PDE10A: variants seen among roughly 807,000 people sequenced by gnomAD.
PDE10A encodes phosphodiesterase 10A.
In PDE10A, 39 loss-of-function variants were observed where a neutral mutation model predicts 97.7. That is an observed-to-expected ratio of 0.40 (90% CI 0.31 to 0.52). PDE10A has a LOEUF of 0.52. PDE10A is among the 20% of genes least tolerant of loss of function. The pLI is 0.56. For missense variants in PDE10A, 731 were observed against 1,047.8 expected, an observed-to-expected ratio of 0.70 and a Z score of 4.17; for synonymous variants, 371 against 376.8, an observed-to-expected ratio of 0.98 and a Z score of 0.18.
At chr6:165,537,671 A>T (rs932266368) in intron 2 of PDE10A, among the ~76,000 whole-genome samples, 17 of 152,010 alleles carry the variant, frequency 1.1e-4, no homozygotes, top group African/African-American at 4.1e-4. Flanking sequence ...TTATAGATGA[A>T]TTCGTATCAA....
At chr6:165,600,364 A>T (rs1001512821) in intron 1 of PDE10A, among the ~76,000 whole-genome samples, 1 of 152,200 alleles carries the variant, frequency 6.6e-6, no homozygotes, top group African/African-American at 2.4e-5. Context: ...TTCTCTGTAA[A>T]GTCAGGTTTG....
intron 2 of PDE10A, among the ~76,000 whole-genome samples, chr6:165,524,822 C>T (rs1319459018): frequency 1.3e-5 from 2 of 152,128 alleles, no homozygotes; most frequent in East Asian, 3.9e-4. Context: ...AAGAATGGGA[C>T]CCTGATACTT....
chr6:165,480,471 A>C (rs1779540323), intron 3 of PDE10A, among the ~76,000 whole-genome samples: 1 of 152,286 alleles, frequency 6.6e-6, no homozygotes, highest in East Asian at 1.9e-4. Context: ...CTGTAGTCCC[A>C]GCTATTTAGG....
At chr6:165,449,040 C>T (rs1022355121) in intron 4 of PDE10A, 63 bp from the exon 5 acceptor site, 18 of 1,150,876 alleles carry the variant, frequency 1.6e-5, no homozygotes, top group Non-Finnish European at 2.4e-5. Context: ...ATGTATGCAT[C>T]CTCCAGGGTG....
intron 1 of PDE10A, among the ~76,000 whole-genome samples, chr6:165,835,261 T>C (rs1780035471): frequency 6.6e-6 from 1 of 152,242 alleles, no homozygotes; most frequent in Non-Finnish European, 1.5e-5. Flanking sequence ...AACAAATTTA[T>C]TTTTCTTTGC....
At chr6:165,880,143 G>A (rs1261771400) in intron 1 of PDE10A, among the ~76,000 whole-genome samples, 2 of 152,210 alleles carry the variant, frequency 1.3e-5, no homozygotes, top group Non-Finnish European at 2.9e-5. Flanking sequence ...TGAGGGCTGT[G>A]AGCCCAGGTG....
At chr6:165,855,301 G>T (rs1780697471) in intron 1 of PDE10A, among the ~76,000 whole-genome samples, 1 of 45,686 alleles carries the variant, frequency 2.2e-5, no homozygotes, top group Non-Finnish European at 5.4e-5. Context: ...GGCGCGGGAA[G>T]TGGCGGGGGG....
chr6:165,942,586 C>T (rs529535032), intron 1 of PDE10A, among the ~76,000 whole-genome samples: 101 of 152,260 alleles, frequency 6.6e-4, no homozygotes, highest in African/African-American at 2.1e-3. Context: ...CGCTCTGCCC[C>T]GCTCTCGGGC....
intron 1 of PDE10A, among the ~76,000 whole-genome samples, chr6:165,659,624 G>C (rs1386925955): frequency 1.3e-5 from 2 of 152,222 alleles, no homozygotes; most frequent in African/African-American, 4.8e-5. Flanking sequence ...AAATAAGACT[G>C]TTCTAACCTT....
intron 1 of PDE10A, among the ~76,000 whole-genome samples, chr6:165,629,952 G>A (rs1354205704): frequency 1.3e-5 from 2 of 152,076 alleles, no homozygotes; most frequent in East Asian, 1.9e-4. Flanking sequence ...TTAAAAACAA[G>A]AATAAATTGA....
At chr6:165,783,899 G>A (rs973601032) in intron 1 of PDE10A, among the ~76,000 whole-genome samples, 11 of 152,170 alleles carry the variant, frequency 7.2e-5, no homozygotes, top group Middle Eastern at 3.2e-3. Context: ...TGGTGTTCAA[G>A]AAGAAAGTGA....
At chr6:165,911,398 A>C (rs776406664) in intron 1 of PDE10A, among the ~76,000 whole-genome samples, 2 of 152,238 alleles carry the variant, frequency 1.3e-5, no homozygotes, top group Non-Finnish European at 2.9e-5. Flanking sequence ...AAACAAATTT[A>C]AATAAAGAAC....
chr6:165,360,039 C>T (rs1379866177), intron 18 of PDE10A, among the ~76,000 whole-genome samples: 8 of 152,174 alleles, frequency 5.3e-5, no homozygotes, highest in South Asian at 2.1e-4. Flanking sequence ...TTTGAGTTTA[C>T]GCTTTGGTTA....
intron 16 of PDE10A, 54 bp downstream of exon 16, chr6:165,392,592 C>G: frequency 6.6e-7 from 1 of 1,514,084 alleles, no homozygotes; most frequent in Non-Finnish European, 9.1e-7. Context: ...TCCTGACACA[C>G]AGTATTAAAT....
intron 1 of PDE10A, among the ~76,000 whole-genome samples, chr6:165,964,286 C>T (rs1264017014): frequency 6.6e-6 from 1 of 152,212 alleles, no homozygotes; most frequent in Admixed American, 6.5e-5. Context: ...AGGACTTAGA[C>T]TCGGTCAGCC....
chr6:165,330,496 C>T lies in PDE10A; in HGVS notation c.*2529G>A, dbSNP rs1781282137. ...GTAAATCTGTGATTACTAAGTAAAT[C>T]TTACACATGGTAAAAGCAATATTGA... is the stretch of plus-strand genomic sequence containing the variant. On this transcript the variant is annotated 3_prime_UTR_variant, in exon 22 of 22. Coordinates refer to ENST00000539869, the MANE Select transcript of PDE10A (RefSeq NM_001385079.1). 1 of 152,152 alleles carries T rather than the reference C, an allele frequency of 6.6e-6. No individual in the cohort carries two copies. The highest frequency in any genetic ancestry group is 1.5e-5 in the Non-Finnish European group (1 of 68,006). 9.4% of individuals were successfully genotyped at this position (152,152 alleles called of 1,614,324 possible).
At chr6:165,796,112 T>TTTTTTTTTTC (rs1562741090) in intron 1 of PDE10A, among the ~76,000 whole-genome samples, 1 of 147,346 alleles carries the variant, frequency 6.8e-6, no homozygotes, top group African/African-American at 2.6e-5. Context: ...TTTTTTTTTT[T>TTTTTTTTTTC]TGAGACGGAG....
At chr6:165,333,954 A>G (rs1043676318) in intron 21 of PDE10A, among the ~76,000 whole-genome samples, 2 of 152,260 alleles carry the variant, frequency 1.3e-5, no homozygotes, top group Admixed American at 6.5e-5. Context: ...TTTAGCAAAC[A>G]TGCTAAGACA....
chr6:165,627,860 A>C (rs999345501), intron 1 of PDE10A, among the ~76,000 whole-genome samples: 5 of 152,208 alleles, frequency 3.3e-5, no homozygotes, highest in Non-Finnish European at 7.3e-5. Context: ...ATCTGAATGA[A>C]ATCTGAGAAG....
Sources: allele counts gnomAD v4.1 joint callset (sites outside exome capture counted in the v4.1 genomes callset), GRCh38; gene constraint gnomAD v4.1.1; transcripts MANE v1.5; gene names NCBI Gene and HGNC (gene_info 2026-07-23, HGNC 2026-07-21).